The following TTC17 variants were observed in gnomAD, a reference collection of about 807,000 sequenced individuals.
TTC17 encodes tetratricopeptide repeat domain 17, also known as tetratricopeptide repeat protein 17.
In TTC17, 58 loss-of-function variants were observed where a neutral mutation model predicts 143.8. The ratio of observed to expected loss-of-function variants is 0.40; its 90% CI spans 0.33 to 0.50. The LOEUF is 0.50. Among genes scored for constraint, TTC17 ranks in the 20% least tolerant of loss-of-function variants. The pLI, the probability that TTC17 is intolerant of heterozygous loss-of-function variation, is 0.49. For missense variants in TTC17, 1,273 were observed against 1,392.5 expected, an observed-to-expected ratio of 0.91 and a Z score of 1.37; for synonymous variants, 501 against 497.8, an observed-to-expected ratio of 1.01 and a Z score of -0.09.
chr11:43,473,755 G>A (rs1158922565), intron 21 of TTC17, among the ~76,000 whole-genome samples: 1 of 152,068 alleles, frequency 6.6e-6, no homozygotes, highest in South Asian at 2.1e-4. Context: ...TTGGTGGCAA[G>A]CACCTGTAAT....
At chr11:43,399,768 A>T in intron 8 of TTC17, 120 bp from the exon 9 acceptor site, 1 of 981,132 alleles carries the variant, frequency 1.0e-6, no homozygotes, top group Non-Finnish European at 1.5e-6. Context: ...GTTGTATGTT[A>T]AATAAAAGGA....
chr11:43,375,837 C>T (rs1856745824), intron 1 of TTC17, among the ~76,000 whole-genome samples: 1 of 152,158 alleles, frequency 6.6e-6, no homozygotes, highest in Non-Finnish European at 1.5e-5. Flanking sequence ...AAAATGTTCA[C>T]CCTTAATCTG....
At position 43,397,434 on chromosome 11, in the gene TTC17, A is replaced by G. The variant is rs1327201664; in HGVS notation, c.861A>G (p.Ala287=). 6.2e-7 allele frequency: 1 copy of G among 1,613,514 alleles called. No homozygotes were observed. Among genetic ancestry groups the G allele is most frequent in the East Asian group, 2.2e-5 (1 of 44,876 alleles). Residue 287 remains alanine, a synonymous_variant, in exon 7 of 24, where the codon GCA becomes GCG. Transcript: ENST00000039989. Reference sequence around the variant, plus strand: ...CTGATGCTGCTGTCGTGGTCCATGCAGCTCTGGATGACAGTGACTTCTTCA... The same window carrying G: ...CTGATGCTGCTGTCGTGGTCCATGCGGCTCTGGATGACAGTGACTTCTTCA... ...FSADAAVVVH[A]ALDDSDFFTS... is the part of the protein sequence containing the mutation.
chr11:43,407,703 C>T, intron 15 of TTC17, 126 bp downstream of exon 15: 1 of 894,426 alleles, frequency 1.1e-6, no homozygotes, highest in Non-Finnish European at 1.6e-6. Flanking sequence ...GTAGCGTTTG[C>T]ATTATTTCAA....
At chr11:43,396,845 A>AT (rs1330573703) in intron 6 of TTC17, 27 bp downstream of exon 6, 3 of 1,434,178 alleles carry the variant, frequency 2.1e-6, no homozygotes, top group African/African-American at 1.4e-5. Flanking sequence ...TCTGGACCTG[A>AT]TTTTCCACAT....
At position 43,397,377 on chromosome 11, in the gene TTC17, G is replaced by A; in HGVS notation, c.804G>A (p.Leu268=). 6.2e-7 allele frequency: 1 copy of A among 1,611,810 alleles called. No homozygotes were observed. The highest frequency in any genetic ancestry group is 1.7e-4 in the Middle Eastern group (1 of 6,060). ...RHNKDIALVN[L]ANVLHRAHFS... ...ATAAAGACATTGCCCTGGTCAACCT[G>A]GCAAACGTTCTACACAGAGCACACT... The change falls in exon 7 of 24, where the codon CTG becomes CTA. Residue 268 remains leucine (L), a synonymous_variant. Transcript: ENST00000039989.
At chr11:43,418,878 A>G (rs1419664140) in intron 16 of TTC17, among the ~76,000 whole-genome samples, 1 of 152,204 alleles carries the variant, frequency 6.6e-6, no homozygotes, top group Admixed American at 6.5e-5. Flanking sequence ...TGAAATACTA[A>G]TCTGCAAATT....
intron 3 of TTC17, 91 bp from the exon 4 acceptor site, chr11:43,391,373 TG>T: frequency 2.3e-6 from 2 of 852,798 alleles, no homozygotes. Context: ...CACTCCAGCC[TG>T]GGCAACAGAA....
intron 14 of TTC17, 59 bp from the exon 15 acceptor site, chr11:43,407,294 T>C: frequency 1.4e-5 from 22 of 1,576,420 alleles, no homozygotes; most frequent in Non-Finnish European, 1.8e-5. Context: ...TTATTAAAAA[T>C]CTTATTTAGA....
At chr11:43,373,143 G>A (rs960855564) in intron 1 of TTC17, among the ~76,000 whole-genome samples, 1 of 151,046 alleles carries the variant, frequency 6.6e-6, no homozygotes, top group African/African-American at 2.5e-5. Flanking sequence ...ATATGGTACT[G>A]TGTTTGTTTT....
chr11:43,366,604 T>A (rs944906468), intron 1 of TTC17, among the ~76,000 whole-genome samples: 1 of 152,072 alleles, frequency 6.6e-6, no homozygotes, highest in African/African-American at 2.4e-5. Flanking sequence ...GTGAAATCCC[T>A]CCACCTCTAT....
chr11:43,477,067 A>G (rs1374320883), intron 21 of TTC17, among the ~76,000 whole-genome samples: 1 of 152,168 alleles, frequency 6.6e-6, no homozygotes, highest in Non-Finnish European at 1.5e-5. Flanking sequence ...CTCAAGTTCA[A>G]AGTTCCACAA....
At chr11:43,419,960 G>A (rs1309734935) in intron 16 of TTC17, among the ~76,000 whole-genome samples, 5 of 152,344 alleles carry the variant, frequency 3.3e-5, no homozygotes, top group Middle Eastern at 3.4e-3. Context: ...ATCCTGAGAT[G>A]CAGGTATATC....
intron 18 of TTC17, among the ~76,000 whole-genome samples, chr11:43,444,690 G>A (rs778026936): frequency 3.1e-4 from 46 of 150,204 alleles, no homozygotes; most frequent in Non-Finnish European, 4.3e-4. Flanking sequence ...AGTAAAATAC[G>A]TGCAGCGTAC....
chr11:43,463,262 GA>G (rs1292344090), intron 21 of TTC17, among the ~76,000 whole-genome samples: 1 of 151,650 alleles, frequency 6.6e-6, no homozygotes, highest in African/African-American at 2.4e-5. Context: ...TATCATATGT[GA>G]ACACTTAACA....
intron 20 of TTC17, among the ~76,000 whole-genome samples, 154 bp from the exon 21 acceptor site, chr11:43,451,027 GT>G (rs1161991483): frequency 6.6e-6 from 1 of 152,118 alleles, no homozygotes; most frequent in Non-Finnish European, 1.5e-5. Context: ...AGCCTTAAAT[GT>G]GTCTTCCATA....
chr11:43,465,340 A>G (rs1007563189), intron 21 of TTC17, among the ~76,000 whole-genome samples: 1 of 152,216 alleles, frequency 6.6e-6, no homozygotes, highest in African/African-American at 2.4e-5. Context: ...TAGACATTCA[A>G]GAGATGGGAT....
chr11:43,466,398 A>G (rs1281881251), intron 21 of TTC17: 1 of 157,882 alleles, frequency 6.3e-6, no homozygotes, highest in African/African-American at 2.4e-5. Context: ...GGCCATGGTC[A>G]TCCCGACTGT....
chr11:43,419,782 C>T, intron 16 of TTC17, among the ~76,000 whole-genome samples: 1 of 152,142 alleles, frequency 6.6e-6, no homozygotes, highest in East Asian at 1.9e-4. Flanking sequence ...GCTTCTAACT[C>T]CTGGCTCAGG....
Sources: allele counts gnomAD v4.1 joint callset (sites outside exome capture counted in the v4.1 genomes callset), GRCh38; gene constraint gnomAD v4.1.1; transcripts MANE v1.5; gene names NCBI Gene and HGNC (gene_info 2026-07-23, HGNC 2026-07-21).